HDGFL3: variants seen among roughly 807,000 people sequenced by gnomAD.
The protein encoded by HDGFL3 is HDGF like 3, also known as hepatoma-derived growth factor-related protein 3.
In HDGFL3, 6 loss-of-function variants were observed where a neutral mutation model predicts 27.6. That is an observed-to-expected ratio of 0.22 (90% CI 0.12 to 0.43). HDGFL3 has a LOEUF of 0.43. Among genes scored for constraint, HDGFL3 ranks in the 20% least tolerant of loss-of-function variants. HDGFL3 has a pLI of 1.00. For missense variants in HDGFL3, 207 were observed against 250.1 expected, an observed-to-expected ratio of 0.83 and a Z score of 1.16; for synonymous variants, 88 against 88.9, an observed-to-expected ratio of 0.99 and a Z score of 0.05.
At chr15:83,153,041 C>A (rs916169974) in intron 4 of HDGFL3, among the ~76,000 whole-genome samples, 3 of 142,030 alleles carry the variant, frequency 2.1e-5, no homozygotes, top group African/African-American at 8.0e-5. Flanking sequence ...GTTGCCCAGG[C>A]TGGAGTGCCG....
chr15:83,116,094 G>A (rs1260068812), intron 3 of HDGFL3: 5 of 636,654 alleles, frequency 7.9e-6, no homozygotes, highest in Non-Finnish European at 1.4e-5. Flanking sequence ...TTAGTCACAT[G>A]GAAAGTGGAG....
intron 4 of HDGFL3, among the ~76,000 whole-genome samples, chr15:83,153,555 C>T (rs1045832267): frequency 6.6e-6 from 1 of 152,064 alleles, no homozygotes; most frequent in Non-Finnish European, 1.5e-5. Context: ...TTTCAGATTA[C>T]TGAAACTCCT....
Position 83,134,181 on chromosome 15 carries a change from G to C in HDGFL3, c.*5089C>G, listed in dbSNP as rs1392490097. The C allele has an allele frequency of 6.6e-6, 1 of 151,856 alleles. No homozygotes were observed. Among genetic ancestry groups the C allele is most frequent in the Non-Finnish European group, 1.5e-5 (1 of 67,986 alleles). 9.4% of individuals were successfully genotyped at this position (151,856 alleles called of 1,614,324 possible). A position where few individuals can be genotyped will look rare whatever the true frequency, so the allele number is the denominator to read the frequency against. On this transcript the variant is annotated 3_prime_UTR_variant, in exon 6 of 6. Coordinates refer to ENST00000299633, the MANE Select transcript of HDGFL3 (RefSeq NM_016073.4). ...GGTGCCACACAAAACATTAGACACAGTACCTGCCCAGTGGGCTTACAATCT... is the reference window on the plus strand; with the variant it reads ...GGTGCCACACAAAACATTAGACACACTACCTGCCCAGTGGGCTTACAATCT...
chr15:83,163,769 A>G, intron 2 of HDGFL3: 1 of 496,142 alleles, frequency 2.0e-6, no homozygotes. Context: ...GTGATGACCA[A>G]CATTTAAGCA....
chr15:83,127,209 A>C (rs1374056695), downstream of HDGFL3: 8 of 767,972 alleles, frequency 1.0e-5, no homozygotes, highest in Non-Finnish European at 1.4e-5. Flanking sequence ...ATAAATAAAT[A>C]AAAATAAAAG....
At chr15:83,141,888 T>C (rs952929299) in intron 5 of HDGFL3, among the ~76,000 whole-genome samples, 2 of 152,216 alleles carry the variant, frequency 1.3e-5, no homozygotes, top group Admixed American at 6.5e-5. Flanking sequence ...GGGAAAGCTA[T>C]TCAGAGCGCT....
exon 4 of HDGFL3, chr15:83,112,914 A>G (rs370638491): frequency 5.3e-5 from 84 of 1,585,286 alleles, no homozygotes; most frequent in Non-Finnish European, 6.9e-5. Context: ...CGTCTCCACA[A>G]AGGGAAATCT....
chr15:83,183,459 T>C (rs555326197), intron 1 of HDGFL3, among the ~76,000 whole-genome samples: 12 of 152,068 alleles, frequency 7.9e-5, no homozygotes, highest in South Asian at 4.1e-4. Flanking sequence ...CCTTGTCTGA[T>C]TGAATATAAA....
intron 1 of HDGFL3, among the ~76,000 whole-genome samples, chr15:83,199,029 C>T (rs1486233015): frequency 6.6e-6 from 1 of 152,124 alleles, no homozygotes; most frequent in African/African-American, 2.4e-5. Flanking sequence ...ACCTGAAAGC[C>T]GTTAGACTGC....
chr15:83,140,891 A>T (rs562248194), intron 5 of HDGFL3, among the ~76,000 whole-genome samples: 2 of 152,314 alleles, frequency 1.3e-5, no homozygotes, highest in African/African-American at 2.4e-5. Flanking sequence ...ACATCAAAGA[A>T]TATTTTTGGA....
At chr15:83,192,307 A>G (rs1403356226) in intron 1 of HDGFL3, 3 of 455,364 alleles carry the variant, frequency 6.6e-6, no homozygotes, top group African/African-American at 6.0e-5. Flanking sequence ...AAAAGTTCCA[A>G]TCTAAAAATA....
chr15:83,161,877 T>A (rs1042363028), intron 2 of HDGFL3, among the ~76,000 whole-genome samples: 9 of 152,150 alleles, frequency 5.9e-5, no homozygotes, highest in African/African-American at 2.2e-4. Context: ...GCACTGAGGA[T>A]GATATATTTT....
rs1160265595 is a variant in HDGFL3, at chr15:83,136,686, T to C, written c.*2584A>G. 1.9e-6 allele frequency: 3 copies of C among 1,580,358 alleles called. No individual in the cohort carries two copies. The highest frequency in any genetic ancestry group is 1.9e-5 in the Admixed American group (1 of 51,908). On this transcript the variant is annotated 3_prime_UTR_variant, in exon 6 of 6. Coordinates refer to ENST00000299633, the MANE Select transcript of HDGFL3 (RefSeq NM_016073.4). ...AAAGTGGAATAAAAATATTACTTCA[T>C]GTTCCTCCTTTCTAAATTACTAACT...
chr15:83,187,376 T>C (rs2037457697), intron 1 of HDGFL3, among the ~76,000 whole-genome samples: 1 of 149,020 alleles, frequency 6.7e-6, no homozygotes, highest in African/African-American at 2.6e-5. Context: ...TCTGTGTGTG[T>C]CTCTCTCTCA....
In HDGFL3 at chr15:83,133,730, C is replaced by G. The variant is rs893781847; in HGVS notation, c.*5540G>C. 7.2e-5 allele frequency: 11 copies of G among 152,264 alleles called. No homozygotes were observed. The highest frequency in any genetic ancestry group is 1.0e-4 in the Non-Finnish European group (7 of 68,066). 9.4% of individuals were successfully genotyped at this position (152,264 alleles called of 1,614,324 possible). On this transcript the variant is annotated 3_prime_UTR_variant, in exon 6 of 6. Coordinates refer to ENST00000299633, the MANE Select transcript of HDGFL3 (RefSeq NM_016073.4). ...TCCTGCCATGAGAGGCCTTGTGCTG[C>G]TGGGAACATCACCCAGGAGAAAACC...
Position 83,193,517 on chromosome 15 carries a change from C to T in HDGFL3, c.84+13814G>A, listed in dbSNP as rs78751159. On this transcript the variant is annotated intron_variant, in intron 1 of 5. Transcript: ENST00000299633. Reference sequence around the variant, plus strand: ...GGTGCAGTCCCTATGGAAAACAGTACGGTGTTTCCTCAAAATATTACAAAT... The same window carrying T: ...GGTGCAGTCCCTATGGAAAACAGTATGGTGTTTCCTCAAAATATTACAAAT... Among the ~76,000 whole-genome samples, 589 of 152,244 alleles carry T rather than the reference C, an allele frequency of 3.9e-3. 2 individuals carry two copies. The highest frequency in any genetic ancestry group is 0.013 in the African/African-American group (521 of 41,540).
chr15:83,145,897 CTTTTTTTTTTTTTTTTTTT>C (rs3082058), intron 5 of HDGFL3, among the ~76,000 whole-genome samples: 4 of 49,476 alleles, frequency 8.1e-5, no homozygotes, highest in South Asian at 1.4e-3. Flanking sequence ...TTTCTTCTTC[CTTTTTTTTTTTTTTTTTTT>C]TTTTTTTTTT....
chr15:83,151,422 G>A, intron 4 of HDGFL3, 61 bp from the exon 5 acceptor site: 2 of 1,427,146 alleles, frequency 1.4e-6, no homozygotes, highest in Non-Finnish European at 1.9e-6. Flanking sequence ...GTACAAGTAA[G>A]AGATGCAGAA....
chr15:83,205,555 C>G (rs1419635769), intron 1 of HDGFL3, among the ~76,000 whole-genome samples: 1 of 152,188 alleles, frequency 6.6e-6, no homozygotes, highest in Non-Finnish European at 1.5e-5. Flanking sequence ...AGGTGGCCAA[C>G]CTGTACAGGC....
Sources: gnomAD v4.1 joint callset for allele counts (sites outside exome capture counted in the v4.1 genomes callset) on GRCh38, gnomAD v4.1.1 for gene constraint, MANE v1.5 for transcripts, NCBI Gene and HGNC (gene_info 2026-07-23, HGNC 2026-07-21) for gene names.